Variants in ZFX observed in about 807,000 individuals in gnomAD.
ZFX encodes the protein zinc finger X-chromosomal protein.
For synonymous variants in ZFX, 196 were observed against 226.8 expected, an observed-to-expected ratio of 0.86 and a Z score of 1.22; for missense variants, 362 against 628.3, an observed-to-expected ratio of 0.58 and a Z score of 4.53.
intron 5 of ZFX, among the ~76,000 whole-genome samples, chrX:24,187,919 A>G (rs1317434174): frequency 9.0e-6 from 1 of 111,713 alleles, no homozygotes; most frequent in East Asian, 2.8e-4. Flanking sequence ...CACGCCTGCA[A>G]TCCCAGCACT....
rs1401010503 is a variant in ZFX, at chrX:24,183,821, C to T, written c.646+4051C>T. On this transcript the variant is annotated intron_variant, in intron 5 of 9. Transcript: ENST00000304543. ...CACCTCGGCTCACTGCAACCTCCACCCCGGCTCACTGCAACCTCCACCCCC... is the reference window on the plus strand; with the variant it reads ...CACCTCGGCTCACTGCAACCTCCACTCCGGCTCACTGCAACCTCCACCCCC... 3.3e-4 allele frequency among the ~76,000 whole-genome samples: 14 copies of T among 42,286 alleles called. No homozygotes were observed. The Admixed American group carries it at 3.6e-3, about 11-fold the overall frequency. The allele number at this position is 42,286 out of a possible 115,157, so 36.7% of individuals were successfully genotyped here.
At chrX:24,172,563 G>C (rs1934727553) in intron 3 of ZFX, among the ~76,000 whole-genome samples, 152 bp from the exon 4 acceptor site, 1 of 112,252 alleles carries the variant, frequency 8.9e-6, no homozygotes, top group Admixed American at 9.5e-5. Context: ...TGTAAATCAA[G>C]TAAGTTCTAT....
At chrX:24,162,866 T>A (rs1933501546) in intron 3 of ZFX, among the ~76,000 whole-genome samples, 1 of 111,242 alleles carries the variant, frequency 9.0e-6, no homozygotes, top group African/African-American at 3.3e-5. Context: ...GCTTCCTTCA[T>A]CCCCTAGCAA....
At chrX:24,150,732 A>C (rs184087956) in intron 1 of ZFX, 8 of 113,195 alleles carry the variant, frequency 7.1e-5, no homozygotes, top group Non-Finnish European at 1.5e-4. Flanking sequence ...AAGTCAAATC[A>C]TATGTGGCTG....
intron 3 of ZFX, among the ~76,000 whole-genome samples, chrX:24,171,941 A>G (rs971512943): frequency 7.3e-5 from 8 of 110,068 alleles, no homozygotes; most frequent in Non-Finnish European, 1.5e-4. Context: ...AGAGAGAGAG[A>G]GGCAGACAGA....
chrX:24,152,952 G>C (rs961864140), intron 3 of ZFX, 122 bp downstream of exon 3: 1 of 112,385 alleles, frequency 8.9e-6, no homozygotes, highest in African/African-American at 3.2e-5. Flanking sequence ...CAACCACCCT[G>C]GATGAATAAG....
At chrX:24,153,179 C>G (rs766729261) in intron 3 of ZFX, among the ~76,000 whole-genome samples, 2 of 112,070 alleles carry the variant, frequency 1.8e-5, no homozygotes, top group East Asian at 5.6e-4. Context: ...ACTGGCAATT[C>G]CAAACTTTTT....
rs978372004 is a variant in ZFX at position 24,152,839 on chromosome X, GTAGTT to G, written c.-29+16_-29+20del. 2 of 112,577 alleles carry G rather than the reference GTAGTT, an allele frequency of 1.8e-5. No individual in the cohort carries two copies. Among genetic ancestry groups the G allele is most frequent in the Non-Finnish European group, 3.8e-5 (2 of 53,321 alleles). The allele number at this position is 112,577 out of a possible 1,213,427, so 9.3% of individuals were successfully genotyped here. A position where few individuals can be genotyped will look rare whatever the true frequency, so the allele number is the denominator to read the frequency against. On this transcript the variant is annotated intron_variant, in intron 3 of 9. Transcript: ENST00000304543. ...TTGTGTGATTAAGACAGGTAAGTGTGTAGTTTAGTTTCAATTAGAAATGGTTAAAT... is the reference window on the plus strand; with the variant it reads ...TTGTGTGATTAAGACAGGTAAGTGTGTAGTTTCAATTAGAAATGGTTAAAT...
intron 5 of ZFX, among the ~76,000 whole-genome samples, chrX:24,180,549 T>C (rs1935595010): frequency 9.1e-6 from 1 of 110,257 alleles, no homozygotes; most frequent in African/African-American, 3.3e-5. Flanking sequence ...GCCTGGCTAA[T>C]TTTTTGTATT....
At chrX:24,160,187 A>G (rs1933122479) in intron 3 of ZFX, among the ~76,000 whole-genome samples, 1 of 110,360 alleles carries the variant, frequency 9.1e-6, no homozygotes. Flanking sequence ...TTAAAAATGT[A>G]AGTTAGAGGC....
At chrX:24,159,324 G>A (rs1401260157) in intron 3 of ZFX, among the ~76,000 whole-genome samples, 2 of 111,857 alleles carry the variant, frequency 1.8e-5, no homozygotes, top group Non-Finnish European at 3.8e-5. Context: ...TTCGATTCCC[G>A]GATATTCGCA....
Position 24,212,299 on chromosome X carries a change from A to G in ZFX, c.*923A>G, listed in dbSNP as rs778150242. 2.7e-5 allele frequency: 3 copies of G among 111,812 alleles called. No individual in the cohort carries two copies. The South Asian group carries it at 1.1e-3, about 42-fold the overall frequency. The allele number at this position is 111,812 out of a possible 1,213,427, so 9.2% of individuals were successfully genotyped here. On this transcript the variant is annotated 3_prime_UTR_variant, in exon 10 of 10. Transcript: ENST00000304543. Reference sequence around the variant, plus strand: ...CTTATTTTACATATTTATACACACAACCCCAAGTAGTAGTTGTTTAAAATC... The same window carrying G: ...CTTATTTTACATATTTATACACACAGCCCCAAGTAGTAGTTGTTTAAAATC...
chrX:24,155,472 T>C (rs1045522386), intron 3 of ZFX, among the ~76,000 whole-genome samples: 3 of 112,274 alleles, frequency 2.7e-5, no homozygotes, highest in African/African-American at 9.7e-5. Context: ...AGAAACTGTT[T>C]GCAGTTTCTG....
At chrX:24,192,868 C>A (rs150749492) in intron 5 of ZFX, among the ~76,000 whole-genome samples, 1 of 103,477 alleles carries the variant, frequency 9.7e-6, no homozygotes, top group Admixed American at 1.1e-4. Context: ...CATTCCAGCC[C>A]GGGTGACAGA....
chrX:24,173,727 T>C, intron 4 of ZFX: 1 of 474,714 alleles, frequency 2.1e-6, no homozygotes, highest in Non-Finnish European at 3.5e-6. Flanking sequence ...GCTACAGGTG[T>C]GTGCCACAAT....
chrX:24,208,946 C>T lies in ZFX; in HGVS notation c.1140C>T (p.Ala380=). The T allele has an allele frequency of 8.3e-7, 1 of 1,211,454 alleles. No individual in the cohort carries two copies. Among genetic ancestry groups the T allele is most frequent in the Non-Finnish European group, 1.1e-6 (1 of 895,422 alleles). ...GIENRNGTAS[A]LLHIDESAGL... Reference sequence around the variant, plus strand: ...AAAACCGGAATGGCACTGCAAGTGCCCTCTTGCACATAGATGAGTCTGCTG... The same window carrying T: ...AAAACCGGAATGGCACTGCAAGTGCTCTCTTGCACATAGATGAGTCTGCTG... The change falls in exon 9 of 10, where the codon GCC becomes GCT. Residue 380 remains alanine (A), a synonymous_variant. Transcript: ENST00000304543.
At chrX:24,197,103 T>A (rs1270993025) in intron 5 of ZFX, among the ~76,000 whole-genome samples, 1 of 112,320 alleles carries the variant, frequency 8.9e-6, no homozygotes, top group African/African-American at 3.2e-5. Context: ...ATTTCCTTCA[T>A]CAAAGAAAGT....
Position 24,173,647 on chromosome X carries a change from G to A in ZFX, c.58+847G>A, listed in dbSNP as rs1472624756. On this transcript the variant is annotated intron_variant, in intron 4 of 9. Coordinates refer to ENST00000304543, the MANE Select transcript of ZFX (RefSeq NM_003410.4). ...GTCACCCAGGCTGGAGCACAGTGGC[G>A]CCATCTGGGTCCACTGCAACCTCCG... 1.1e-5 allele frequency: 11 copies of A among 973,827 alleles called. No individual in the cohort carries two copies. In the East Asian group the frequency reaches 3.4e-4, roughly 30 times the overall value. The allele number at this position is 973,827 out of a possible 1,213,427, so 80.3% of individuals were successfully genotyped here. A position where few individuals can be genotyped will look rare whatever the true frequency, so the allele number is the denominator to read the frequency against.
At chrX:24,158,088 A>G (rs1339230975) in intron 3 of ZFX, among the ~76,000 whole-genome samples, 1 of 111,943 alleles carries the variant, frequency 8.9e-6, no homozygotes, top group Admixed American at 9.6e-5. Flanking sequence ...TACACAAGAT[A>G]TGATAAAAGT....
Sources: allele counts gnomAD v4.1 joint callset (sites outside exome capture counted in the v4.1 genomes callset), GRCh38; gene constraint gnomAD v4.1.1; transcripts MANE v1.5; gene names NCBI Gene and HGNC (gene_info 2026-07-23, HGNC 2026-07-21).